TMEM244: variants seen among roughly 807,000 people sequenced by gnomAD.
TMEM244 encodes the protein transmembrane protein 244.
Under a neutral mutation model 15.8 loss-of-function variants are expected in TMEM244, and 13 were observed. That is an observed-to-expected ratio of 0.82 (90% CI 0.53 to 1.30). TMEM244 has a LOEUF of 1.30. TMEM244 is among the 50% of genes most tolerant of loss of function. The pLI, the probability that TMEM244 is intolerant of heterozygous loss-of-function variation, is 0.00. For synonymous variants in TMEM244, 45 were observed against 48.7 expected (o/e 0.92, Z 0.32); for missense variants, 161 against 144.9 (o/e 1.11, Z -0.57).
intron 1 of TMEM244, among the ~76,000 whole-genome samples, chr6:129,860,324 A>G (rs1466061195): frequency 1.3e-5 from 2 of 152,188 alleles, no homozygotes; most frequent in African/African-American, 2.4e-5. Context: ...CCTTAAAAAT[A>G]AGCTTTTTAA....
At position 129,831,726 on chromosome 6, in the gene TMEM244, G is replaced by C. The variant is rs190037981; in HGVS notation, c.320-340C>G. ...ACCACTTCACTCTGAAGTCACTTCT[G>C]TCCAGTAGTCATTTGTTAACATTTT... On this transcript the variant is annotated intron_variant, in intron 4 of 4. Transcript: ENST00000368143. Among the ~76,000 whole-genome samples the C allele has an allele frequency of 3.2e-3, 482 of 152,224 alleles. 1 individual carries two copies. Among genetic ancestry groups the C allele is most frequent in the African/African-American group, 0.011 (448 of 41,538 alleles).
At chr6:129,851,379 C>T (rs894272298) in intron 1 of TMEM244, among the ~76,000 whole-genome samples, 6 of 152,164 alleles carry the variant, frequency 3.9e-5, no homozygotes, top group Non-Finnish European at 5.9e-5. Flanking sequence ...AGCAATTCTC[C>T]TGCCTCAACC....
chr6:129,836,229 G>C (rs1216473196), intron 3 of TMEM244, among the ~76,000 whole-genome samples: 1 of 152,178 alleles, frequency 6.6e-6, no homozygotes, highest in East Asian at 1.9e-4. Context: ...GGATCAGGCA[G>C]CAATATTTGC....
chr6:129,842,628 T>C (rs549721546), intron 3 of TMEM244, among the ~76,000 whole-genome samples: 1 of 152,102 alleles, frequency 6.6e-6, no homozygotes, highest in East Asian at 1.9e-4. Context: ...GACAGTACAT[T>C]AAAAAACAAG....
At position 129,843,635 on chromosome 6, in the gene TMEM244, C is replaced by T. The variant is rs750173894; in HGVS notation, c.120-32G>A. 5 of 1,498,182 alleles carry T rather than the reference C, an allele frequency of 3.3e-6. No individual in the cohort carries two copies. The South Asian group carries it at 5.7e-5, about 17-fold the overall frequency. 92.8% of individuals were successfully genotyped at this position (1,498,182 alleles called of 1,614,324 possible). ...ATGTTATAAGTGAAAACAGTTTACT[C>T]TGAATGAGGCAGTTCATAACAGCAC... On this transcript the variant is annotated intron_variant, in intron 2 of 4. Transcript: ENST00000368143.
chr6:129,848,092 C>T (rs998213809), intron 1 of TMEM244, among the ~76,000 whole-genome samples: 1 of 152,094 alleles, frequency 6.6e-6, no homozygotes, highest in African/African-American at 2.4e-5. Context: ...TTCCTTGTCT[C>T]TTAATCTCTC....
chr6:129,855,324 C>T (rs1217520833), intron 1 of TMEM244, among the ~76,000 whole-genome samples: 5 of 151,990 alleles, frequency 3.3e-5, no homozygotes, highest in Admixed American at 6.6e-5. Context: ...AAATGCACAC[C>T]GTTCTAGACA....
At chr6:129,845,628 A>C (rs1776550809) in intron 2 of TMEM244, 139 bp downstream of exon 2, 1 of 713,506 alleles carries the variant, frequency 1.4e-6, no homozygotes, top group African/African-American at 1.8e-5. Flanking sequence ...AAAATAAAAA[A>C]TAAATAAAAG....
chr6:129,859,628 G>A (rs1296403153), intron 1 of TMEM244, among the ~76,000 whole-genome samples: 1 of 152,232 alleles, frequency 6.6e-6, no homozygotes, highest in Non-Finnish European at 1.5e-5. Context: ...CAGTTTAGCA[G>A]TCCTCATACT....
chr6:129,845,333 C>G (rs1420937296), intron 2 of TMEM244, among the ~76,000 whole-genome samples: 13 of 152,184 alleles, frequency 8.5e-5, no homozygotes. Context: ...TTCTCTGATT[C>G]AATACCAGAC....
At chr6:129,842,508 A>G (rs1201493564) in intron 3 of TMEM244, among the ~76,000 whole-genome samples, 4 of 152,182 alleles carry the variant, frequency 2.6e-5, no homozygotes, top group African/African-American at 4.8e-5. Flanking sequence ...TACAAATTAT[A>G]GTAGAAATCC....
intron 1 of TMEM244, among the ~76,000 whole-genome samples, chr6:129,858,639 T>C (rs1044767507): frequency 6.6e-6 from 1 of 152,150 alleles, no homozygotes; most frequent in Admixed American, 6.6e-5. Context: ...CTTTCTCCAG[T>C]CTCTAAAAGA....
intron 1 of TMEM244, among the ~76,000 whole-genome samples, chr6:129,850,423 G>T (rs187737277): frequency 4.9e-4 from 75 of 152,280 alleles, no homozygotes; most frequent in Non-Finnish European, 1.6e-4. Context: ...AGGAGGACAG[G>T]TATGTGAACT....
chr6:129,836,291 C>A (rs1280084438), intron 3 of TMEM244, among the ~76,000 whole-genome samples: 2 of 152,116 alleles, frequency 1.3e-5, no homozygotes, highest in African/African-American at 2.4e-5. Context: ...CTGGAGTGGA[C>A]CTCCAGCAAA....
intron 3 of TMEM244, among the ~76,000 whole-genome samples, chr6:129,835,354 T>A (rs1159945892): frequency 1.3e-5 from 2 of 148,988 alleles, no homozygotes; most frequent in Non-Finnish European, 1.5e-5. Flanking sequence ...GCTATGATCA[T>A]GCCACTGCAC....
chr6:129,849,157 C>T (rs907758082), intron 1 of TMEM244, among the ~76,000 whole-genome samples: 1 of 151,840 alleles, frequency 6.6e-6, no homozygotes, highest in South Asian at 2.1e-4. Context: ...TAGAGATACA[C>T]TTACTTTTTC....
intron 1 of TMEM244, among the ~76,000 whole-genome samples, chr6:129,853,375 A>G (rs1017736766): frequency 6.6e-6 from 1 of 152,008 alleles, no homozygotes. Flanking sequence ...CTTATTCTCT[A>G]CTGTATGCTC....
At chr6:129,853,176 G>A (rs1776658200) in intron 1 of TMEM244, among the ~76,000 whole-genome samples, 1 of 152,148 alleles carries the variant, frequency 6.6e-6, no homozygotes, top group Non-Finnish European at 1.5e-5. Context: ...CGTGGGTCCT[G>A]TTATTTCCTT....
chr6:129,858,461 T>C (rs1323959916), intron 1 of TMEM244, among the ~76,000 whole-genome samples: 1 of 152,206 alleles, frequency 6.6e-6, no homozygotes, highest in African/African-American at 2.4e-5. Context: ...ACAGAGCAAG[T>C]AGCTATATTC....
Sources: gnomAD v4.1 joint callset for allele counts (sites outside exome capture counted in the v4.1 genomes callset) on GRCh38, gnomAD v4.1.1 for gene constraint, MANE v1.5 for transcripts, NCBI Gene and HGNC (gene_info 2026-07-23, HGNC 2026-07-21) for gene names.